The following MTFR1 variants were observed in gnomAD, a reference collection of about 807,000 sequenced individuals.
MTFR1 encodes mitochondrial fission regulator 1, also known as chondrocyte protein with a poly-proline region.
In MTFR1, 28 loss-of-function variants were observed where a neutral mutation model predicts 38.8. That is an observed-to-expected ratio of 0.72 (90% CI 0.53 to 0.99). The LOEUF (loss-of-function observed/expected upper bound fraction) is 0.99, where lower values mean the gene tolerates loss of function less well. Ranked by LOEUF, MTFR1 falls within the 50% of genes least tolerant of loss-of-function variation. MTFR1 has a pLI of 0.00. For synonymous variants in MTFR1, 145 were observed against 137.0 expected (o/e 1.06, Z -0.41); for missense variants, 358 against 395.5 (o/e 0.91, Z 0.81).
At chr8:65,747,449 T>G (rs1295549343) in intron 3 of MTFR1, among the ~76,000 whole-genome samples, 1 of 152,196 alleles carries the variant, frequency 6.6e-6, no homozygotes, top group Non-Finnish European at 1.5e-5. Flanking sequence ...TGTCACTACT[T>G]TAGTTATTTC....
intron 1 of MTFR1, among the ~76,000 whole-genome samples, chr8:65,656,451 A>G (rs1809272748): frequency 6.6e-6 from 1 of 151,844 alleles, no homozygotes; most frequent in Admixed American, 6.6e-5. Flanking sequence ...TTTATGCCTC[A>G]GCCTCCTGAG....
At chr8:65,693,845 C>G (rs1394403667) in intron 4 of MTFR1, 86 bp downstream of exon 4, 10 of 943,034 alleles carry the variant, frequency 1.1e-5, no homozygotes, top group Admixed American at 2.1e-5. Context: ...TTTTAATAGC[C>G]TAATTTTATC....
intron 2 of MTFR1, chr8:65,719,185 C>CA: frequency 2.7e-6 from 2 of 735,740 alleles, no homozygotes; most frequent in South Asian, 3.2e-5. Flanking sequence ...TGGCATCACT[C>CA]ACTTGGAAAC....
rs1805876175 is a variant in MTFR1 at position 65,709,314 on chromosome 8, T to C, written c.*270T>C. 3 of 354,848 alleles carry C rather than the reference T, an allele frequency of 8.5e-6. No individual in the cohort carries two copies. The highest frequency in any genetic ancestry group is 1.6e-5 in the Non-Finnish European group (3 of 193,490). 22.0% of individuals were successfully genotyped at this position (354,848 alleles called of 1,614,324 possible). ...TTCAGATTTCCAGTTTTGAAAACAATTGTATAGATTTCACAACACAAAAAG... is the reference window on the plus strand; with the variant it reads ...TTCAGATTTCCAGTTTTGAAAACAACTGTATAGATTTCACAACACAAAAAG... On this transcript the variant is annotated 3_prime_UTR_variant, in exon 8 of 8. Transcript: ENST00000262146.
chr8:65,662,438 G>A (rs202201434), intron 1 of MTFR1, among the ~76,000 whole-genome samples: 1 of 146,782 alleles, frequency 6.8e-6, no homozygotes, highest in Non-Finnish European at 1.5e-5. Context: ...GGCGTGATCT[G>A]GGCTCGATAC....
rs143942687 is a variant in MTFR1, at chr8:65,647,584, A to G, written c.-81+2800A>G. ...CTCAGCCTCCTAAAGTGCTGGGATT[A>G]TAGGTGTGAGCCACCATGTCTGGCC... On this transcript the variant is annotated intron_variant, in intron 1 of 7. Coordinates refer to ENST00000262146, the MANE Select transcript of MTFR1 (RefSeq NM_014637.4). Among the ~76,000 whole-genome samples the G allele has an allele frequency of 2.2e-3, 337 of 152,328 alleles. 1 individual carries two copies. Among genetic ancestry groups the G allele is most frequent in the African/African-American group, 7.8e-3 (326 of 41,580 alleles).
At chr8:65,654,733 G>C (rs183010243) in intron 1 of MTFR1, among the ~76,000 whole-genome samples, 80 of 152,152 alleles carry the variant, frequency 5.3e-4, no homozygotes, top group African/African-American at 1.8e-3. Flanking sequence ...GCATACCACT[G>C]TGCCTAGCTA....
intron 1 of MTFR1, among the ~76,000 whole-genome samples, chr8:65,649,310 G>A (rs530337494): frequency 1.5e-4 from 23 of 151,590 alleles, no homozygotes; most frequent in Admixed American, 5.3e-4. Context: ...TCAGCCTCCC[G>A]AGTAGCTGGG....
At chr8:65,682,076 T>G (rs956886284) in intron 2 of MTFR1, 14 of 173,896 alleles carry the variant, frequency 8.1e-5, no homozygotes, top group African/African-American at 3.3e-4. Flanking sequence ...AATAAAATTT[T>G]TACTGTAAGT....
intron 1 of MTFR1, among the ~76,000 whole-genome samples, chr8:65,657,219 G>A (rs1809293059): frequency 6.6e-6 from 1 of 151,984 alleles, no homozygotes; most frequent in South Asian, 2.1e-4. Flanking sequence ...CACCATGTTG[G>A]CCGGGCTGGT....
chr8:65,648,999 G>T (rs1027901141), intron 1 of MTFR1, among the ~76,000 whole-genome samples: 2 of 151,710 alleles, frequency 1.3e-5, no homozygotes, highest in Non-Finnish European at 2.9e-5. Flanking sequence ...TTCTGTATCC[G>T]CAGATAGAAA....
chr8:65,678,705 A>G (rs1262600945), intron 2 of MTFR1, among the ~76,000 whole-genome samples: 1 of 152,166 alleles, frequency 6.6e-6, no homozygotes, highest in Non-Finnish European at 1.5e-5. Flanking sequence ...GTTCGAAACC[A>G]GCCTGGCCAA....
At chr8:65,712,746 A>G (rs1805987108), downstream of MTFR1, among the ~76,000 whole-genome samples, 1 of 152,226 alleles carries the variant, frequency 6.6e-6, no homozygotes, top group Non-Finnish European at 1.5e-5. Flanking sequence ...TCTAGCCTCA[A>G]GAACTGTGAG....
At chr8:65,716,734 G>C (rs778557271) in intron 2 of MTFR1, among the ~76,000 whole-genome samples, 6 of 152,188 alleles carry the variant, frequency 3.9e-5, no homozygotes, top group Non-Finnish European at 8.8e-5. Context: ...GGTTAATGTG[G>C]GTTTGCCATG....
intron 1 of MTFR1, among the ~76,000 whole-genome samples, chr8:65,656,720 C>T (rs1404838991): frequency 6.6e-6 from 1 of 151,946 alleles, no homozygotes; most frequent in Non-Finnish European, 1.5e-5. Context: ...AGGCTGGTCT[C>T]AAACTCCTGA....
At chr8:65,707,775 A>T in intron 6 of MTFR1, 68 bp from the exon 7 acceptor site, 2 of 1,559,780 alleles carry the variant, frequency 1.3e-6, no homozygotes, top group Non-Finnish European at 1.7e-6. Flanking sequence ...CAAAAGGTTG[A>T]CAAAGTACTT....
intron 7 of MTFR1, chr8:65,708,454 A>G: frequency 3.3e-6 from 1 of 299,350 alleles, no homozygotes; most frequent in South Asian, 3.1e-5. Context: ...GCACCCTGTG[A>G]AAGTCTTCTG....
At chr8:65,737,469 T>A (rs2128899415) in intron 3 of MTFR1, among the ~76,000 whole-genome samples, 1 of 152,332 alleles carries the variant, frequency 6.6e-6, no homozygotes, top group East Asian at 1.9e-4. Context: ...TTTACCTAGA[T>A]AAAGCAGTTG....
At chr8:65,690,070 T>C (rs1184280773) in intron 3 of MTFR1, among the ~76,000 whole-genome samples, 1 of 152,148 alleles carries the variant, frequency 6.6e-6, no homozygotes, top group Non-Finnish European at 1.5e-5. Context: ...TGTTGTTTTG[T>C]TTTTTTAAAG....
Sources: gnomAD v4.1 joint callset for allele counts (sites outside exome capture counted in the v4.1 genomes callset) on GRCh38, gnomAD v4.1.1 for gene constraint, MANE v1.5 for transcripts, NCBI Gene and HGNC (gene_info 2026-07-23, HGNC 2026-07-21) for gene names.